COL24A1: variants seen among roughly 807,000 people sequenced by gnomAD.
COL24A1 encodes collagen type XXIV alpha 1 chain, also known as collagen alpha-1(XXIV) chain.
In COL24A1, 224 loss-of-function variants were observed where a neutral mutation model predicts 253.9. The observed-to-expected ratio is 0.88, with a 90% CI of 0.79 to 0.99. The LOEUF (loss-of-function observed/expected upper bound fraction) is 0.99, where lower values mean the gene tolerates loss of function less well. COL24A1 is among the 50% of genes least tolerant of loss of function. The probability of loss-of-function intolerance (pLI) is 0.00; values close to 1 mark genes in which losing one functional copy is unlikely to be tolerated. For missense variants in COL24A1, 2,131 were observed against 2,068.5 expected, an observed-to-expected ratio of 1.03 and a Z score of -0.59; for synonymous variants, 685 against 673.7, an observed-to-expected ratio of 1.02 and a Z score of -0.26.
chr1:85,809,783 T>C (rs1672342970), intron 47 of COL24A1, among the ~76,000 whole-genome samples: 1 of 147,392 alleles, frequency 6.8e-6, no homozygotes, highest in Admixed American at 6.8e-5. Context: ...ATATATAGTA[T>C]ATAATATTAT....
At chr1:85,792,697 G>C (rs996085382) in intron 47 of COL24A1, among the ~76,000 whole-genome samples, 1 of 151,710 alleles carries the variant, frequency 6.6e-6, no homozygotes, top group African/African-American at 2.4e-5. Flanking sequence ...AACAGAGTGA[G>C]ACCCTGTCTC....
chr1:86,109,496 G>GA (rs1168490511), intron 5 of COL24A1, among the ~76,000 whole-genome samples: 1 of 152,152 alleles, frequency 6.6e-6, no homozygotes, highest in African/African-American at 2.4e-5. Context: ...CCATTTTACA[G>GA]AAAAGGAAAG....
chr1:85,852,662 A>C (rs1198175078), intron 37 of COL24A1, among the ~76,000 whole-genome samples: 1 of 145,266 alleles, frequency 6.9e-6, no homozygotes, highest in Non-Finnish European at 1.5e-5. Flanking sequence ...AATTTCTTTA[A>C]TTGCAAAAAT....
chr1:86,045,745 C>CA, intron 12 of COL24A1: 1 of 339,294 alleles, frequency 2.9e-6, no homozygotes, highest in Non-Finnish European at 5.8e-6. Context: ...TGCAGGGAAA[C>CA]AAAATGTTTG....
chr1:85,852,858 C>T (rs1489949193), intron 37 of COL24A1, among the ~76,000 whole-genome samples: 6 of 152,092 alleles, frequency 3.9e-5, no homozygotes, highest in African/African-American at 1.4e-4. Flanking sequence ...CTATGTTGCC[C>T]AGGCGGGACT....
intron 37 of COL24A1, among the ~76,000 whole-genome samples, chr1:85,856,890 A>C (rs1036770864): frequency 6.6e-6 from 1 of 152,098 alleles, no homozygotes; most frequent in Non-Finnish European, 1.5e-5. Context: ...CCTAGCACAC[A>C]AAGCTGTCCT....
chr1:86,006,154 C>A (rs1558980330), intron 19 of COL24A1, among the ~76,000 whole-genome samples: 1 of 152,134 alleles, frequency 6.6e-6, no homozygotes, highest in Admixed American at 6.5e-5. Context: ...TGGATACTGA[C>A]AAACAGATTC....
At chr1:86,085,394 G>A (rs1702989148) in intron 7 of COL24A1, among the ~76,000 whole-genome samples, 1 of 152,024 alleles carries the variant, frequency 6.6e-6, no homozygotes, top group Admixed American at 6.5e-5. Flanking sequence ...GGAAAATATT[G>A]CCATATATTA....
intron 11 of COL24A1, among the ~76,000 whole-genome samples, chr1:86,048,123 T>A (rs1275506211): frequency 6.6e-6 from 1 of 151,990 alleles, no homozygotes; most frequent in Non-Finnish European, 1.5e-5. Context: ...GTAGCCTCCC[T>A]AAATCTCATC....
chr1:86,146,220 A>T (rs1308037272), intron 1 of COL24A1, 37 bp from the exon 2 acceptor site: 1 of 1,540,666 alleles, frequency 6.5e-7, no homozygotes, highest in African/African-American at 1.4e-5. Context: ...AAAACTTACT[A>T]GTTGGACATT....
intron 4 of COL24A1, 142 bp from the exon 5 acceptor site, chr1:86,112,762 A>G (rs1705735140): frequency 1.6e-6 from 1 of 627,762 alleles, no homozygotes; most frequent in South Asian, 3.6e-5. Context: ...TTAAAGACCT[A>G]CTTACTTCAG....
intron 32 of COL24A1, among the ~76,000 whole-genome samples, chr1:85,886,520 T>C (rs11161702): frequency 0.27 from 41,460 of 151,038 alleles, 5,939 homozygotes; most frequent in Admixed American, 0.36. Context: ...AAAAAATTAT[T>C]GGGGCGTGGT....
At chr1:85,790,808 T>C (rs1670197065) in intron 47 of COL24A1, among the ~76,000 whole-genome samples, 1 of 152,222 alleles carries the variant, frequency 6.6e-6, no homozygotes, top group African/African-American at 2.4e-5. Context: ...ACTATAGCTA[T>C]GCTTAAAAAT....
Position 85,745,392 on chromosome 1 carries a change from T to A in COL24A1, c.4503+49A>T, listed in dbSNP as rs777773545. ...GCCTCCAAAAATTTTCTCTGTTTAA[T>A]TGGTATATTGAGAGACAGTGCCAAT... is the stretch of plus-strand genomic sequence containing the variant. On this transcript the variant is annotated intron_variant, in intron 56 of 59. Coordinates refer to ENST00000370571, the MANE Select transcript of COL24A1 (RefSeq NM_152890.7). 4 of 1,363,388 alleles carry A rather than the reference T, an allele frequency of 2.9e-6. No homozygotes were observed. In the African/African-American group the frequency reaches 6.0e-5, roughly 20 times the overall value. The allele number at this position is 1,363,388 out of a possible 1,614,324, so 84.5% of individuals were successfully genotyped here. A position where few individuals can be genotyped will look rare whatever the true frequency, so the allele number is the denominator to read the frequency against.
intron 6 of COL24A1, among the ~76,000 whole-genome samples, chr1:86,091,567 GTCC>G (rs1219600438): frequency 1.3e-5 from 2 of 152,032 alleles, no homozygotes; most frequent in African/African-American, 2.4e-5. Flanking sequence ...CTTCCCAGAT[GTCC>G]TCCTAAGACT....
At chr1:86,011,729 A>G (rs942470269) in intron 19 of COL24A1, among the ~76,000 whole-genome samples, 10 of 152,340 alleles carry the variant, frequency 6.6e-5, no homozygotes, top group African/African-American at 2.4e-4. Flanking sequence ...AATAGTAGTA[A>G]TAATTTTCCC....
chr1:85,741,003 C>T (rs2100884936), intron 57 of COL24A1, among the ~76,000 whole-genome samples: 1 of 147,092 alleles, frequency 6.8e-6, no homozygotes, highest in Admixed American at 6.7e-5. Flanking sequence ...CCTATAATCC[C>T]AGCTACTTGG....
At chr1:85,771,043 C>T (rs369879807) in intron 53 of COL24A1, among the ~76,000 whole-genome samples, 2 of 152,136 alleles carry the variant, frequency 1.3e-5, no homozygotes, top group African/African-American at 4.8e-5. Flanking sequence ...AAGTGATTGG[C>T]GGGTTCTTAA....
intron 10 of COL24A1, among the ~76,000 whole-genome samples, chr1:86,057,200 C>T (rs1001752353): frequency 5.9e-5 from 9 of 152,006 alleles, no homozygotes; most frequent in African/African-American, 2.2e-4. Context: ...TGGGACCTTC[C>T]GTTTTTCTCT....
Sources: allele counts gnomAD v4.1 joint callset (sites outside exome capture counted in the v4.1 genomes callset), GRCh38; gene constraint gnomAD v4.1.1; transcripts MANE v1.5; gene names NCBI Gene and HGNC (gene_info 2026-07-23, HGNC 2026-07-21).